FSTL5: variants seen among roughly 807,000 people sequenced by gnomAD.
FSTL5 encodes follistatin-related protein 5.
Under a neutral mutation model 89.1 loss-of-function variants are expected in FSTL5, and 62 were observed. The ratio of observed to expected loss-of-function variants is 0.70; its 90% confidence interval spans 0.57 to 0.86. The LOEUF (loss-of-function observed/expected upper bound fraction) is 0.86. FSTL5 is among the 40% of genes least tolerant of loss of function. The probability of loss-of-function intolerance (pLI) is 0.00; values close to 1 mark genes in which losing one functional copy is unlikely to be tolerated. For missense variants in FSTL5, 1,057 were observed against 1,001.6 expected (o/e 1.06, Z -0.75); for synonymous variants, 383 against 346.2 (o/e 1.11, Z -1.18).
intron 6 of FSTL5, among the ~76,000 whole-genome samples, chr4:161,671,962 TC>T (rs369918808): frequency 2.6e-5 from 4 of 152,298 alleles, no homozygotes; most frequent in African/African-American, 9.6e-5. Flanking sequence ...AATCTGATTA[TC>T]CCATGTGAAT....
At chr4:161,615,460 A>AG (rs1560980262) in intron 7 of FSTL5, among the ~76,000 whole-genome samples, 2 of 150,178 alleles carry the variant, frequency 1.3e-5, no homozygotes, top group East Asian at 1.9e-4. Context: ...AAAAAAAAAA[A>AG]AAAGAAAGAA....
chr4:161,493,883 G>T (rs2126474219), intron 12 of FSTL5, among the ~76,000 whole-genome samples: 1 of 152,002 alleles, frequency 6.6e-6, no homozygotes, highest in Non-Finnish European at 1.5e-5. Context: ...ATGCTATTTG[G>T]CCCACTTAAT....
At chr4:161,922,306 A>G (rs1046500118) in intron 3 of FSTL5, among the ~76,000 whole-genome samples, 3 of 152,128 alleles carry the variant, frequency 2.0e-5, no homozygotes, top group African/African-American at 7.2e-5. Flanking sequence ...TTAAATATTG[A>G]TAACTCACTG....
At chr4:161,761,380 G>A (rs1172905012) in intron 5 of FSTL5, among the ~76,000 whole-genome samples, 1 of 152,158 alleles carries the variant, frequency 6.6e-6, no homozygotes, top group Non-Finnish European at 1.5e-5. Flanking sequence ...GGGAGAAGGG[G>A]CAGTGTGCGC....
At chr4:162,094,857 G>A (rs902300272) in intron 2 of FSTL5, among the ~76,000 whole-genome samples, 3 of 152,108 alleles carry the variant, frequency 2.0e-5, no homozygotes, top group Non-Finnish European at 2.9e-5. Flanking sequence ...ATACAATGAA[G>A]CACTTTACTC....
At chr4:161,811,092 A>G (rs1460948630) in intron 4 of FSTL5, among the ~76,000 whole-genome samples, 1 of 152,222 alleles carries the variant, frequency 6.6e-6, no homozygotes, top group Non-Finnish European at 1.5e-5. Flanking sequence ...ACATAAATAA[A>G]TACAAATATA....
chr4:162,046,343 G>C (rs1162649971), intron 2 of FSTL5, among the ~76,000 whole-genome samples: 1 of 152,072 alleles, frequency 6.6e-6, no homozygotes, highest in Non-Finnish European at 1.5e-5. Flanking sequence ...TGGGGTAAAG[G>C]GAGAGTCTCC....
At chr4:161,578,520 C>A (rs1480468092) in intron 8 of FSTL5, among the ~76,000 whole-genome samples, 1 of 151,604 alleles carries the variant, frequency 6.6e-6, no homozygotes, top group Non-Finnish European at 1.5e-5. Context: ...TAATTTGAGT[C>A]CAAATGGATG....
At chr4:162,026,304 C>CTTATTTTTTTTTTTTTTTTTTTT (rs1737281262) in intron 3 of FSTL5, among the ~76,000 whole-genome samples, 2 of 79,470 alleles carry the variant, frequency 2.5e-5, no homozygotes, top group East Asian at 4.2e-4. Flanking sequence ...TATGTATTTT[C>CTTATTTTTTTTTTTTTTTTTTTT]TTTTTTTTTT....
In FSTL5 at chr4:161,618,758, T is replaced by A. The variant is rs1402532041; in HGVS notation, c.895-31183A>T. ...TTATTGAGGATTTTTGCATCAATGTTCATCAAGGATATTGGTCTAAAATTC... is the reference window on the plus strand; with the variant it reads ...TTATTGAGGATTTTTGCATCAATGTACATCAAGGATATTGGTCTAAAATTC... On this transcript the variant is annotated intron_variant, in intron 7 of 15. Coordinates refer to ENST00000306100, the MANE Select transcript of FSTL5 (RefSeq NM_020116.5). 5.3e-5 allele frequency among the ~76,000 whole-genome samples: 8 copies of A among 152,290 alleles called. No homozygotes were observed. In the East Asian group the frequency reaches 1.5e-3, roughly 29 times the overall value.
intron 3 of FSTL5, among the ~76,000 whole-genome samples, chr4:161,954,665 C>T (rs1275016937): frequency 1.3e-5 from 2 of 151,572 alleles, no homozygotes; most frequent in Non-Finnish European, 3.0e-5. Context: ...TTTCATATTC[C>T]AGTAAGGCAA....
intron 2 of FSTL5, among the ~76,000 whole-genome samples, chr4:162,078,368 G>T (rs527718525): frequency 2.0e-5 from 3 of 151,738 alleles, no homozygotes; most frequent in Non-Finnish European, 4.4e-5. Flanking sequence ...ACCTAGAAGC[G>T]GCTGACTTTA....
At chr4:161,708,404 C>T (rs964941233) in intron 6 of FSTL5, among the ~76,000 whole-genome samples, 2 of 151,858 alleles carry the variant, frequency 1.3e-5, no homozygotes, top group Non-Finnish European at 2.9e-5. Flanking sequence ...TAATGCATAG[C>T]TATACTTTAA....
chr4:161,496,992 T>G (rs1344293402), intron 12 of FSTL5, among the ~76,000 whole-genome samples: 1 of 152,202 alleles, frequency 6.6e-6, no homozygotes, highest in Non-Finnish European at 1.5e-5. Context: ...ACGAAATTAC[T>G]TTGGAATTAG....
chr4:161,680,398 C>T (rs952300231), intron 6 of FSTL5, among the ~76,000 whole-genome samples: 3 of 151,914 alleles, frequency 2.0e-5, no homozygotes, highest in African/African-American at 7.2e-5. Context: ...ACCTTTCCAT[C>T]TCCCTATTCA....
intron 4 of FSTL5, among the ~76,000 whole-genome samples, chr4:161,872,469 C>T (rs1002714780): frequency 6.6e-6 from 1 of 152,122 alleles, no homozygotes; most frequent in East Asian, 1.9e-4. Context: ...CATTTCTGGA[C>T]TCCTTTCCAA....
intron 1 of FSTL5, among the ~76,000 whole-genome samples, chr4:162,140,154 G>T (rs1579058503): frequency 6.6e-6 from 1 of 151,936 alleles, no homozygotes; most frequent in East Asian, 1.9e-4. Context: ...AGAATAGGAA[G>T]CAACCAAAAT....
intron 10 of FSTL5, among the ~76,000 whole-genome samples, chr4:161,524,814 C>T (rs529780389): frequency 2.8e-4 from 43 of 151,926 alleles, no homozygotes; most frequent in Non-Finnish European, 5.2e-4. Context: ...AAAAATTAGC[C>T]GGAGGTGGTG....
In FSTL5 at chr4:161,635,491, T is replaced by TA. The variant is rs34085655; in HGVS notation, c.894+20836dup. ...GTTGGAGTTGTTTCTTGTTACAAAT[T>TA]AAAAAAAAAAAAAATCCATCTAGCA... On this transcript the variant is annotated intron_variant, in intron 7 of 15. Coordinates refer to ENST00000306100, the MANE Select transcript of FSTL5 (RefSeq NM_020116.5). 8.5e-4 allele frequency among the ~76,000 whole-genome samples: 128 copies of TA among 150,292 alleles called. No individual in the cohort carries two copies. The South Asian group carries it at 0.018, about 21-fold the overall frequency.
Sources: allele counts gnomAD v4.1 joint callset (sites outside exome capture counted in the v4.1 genomes callset), GRCh38; gene constraint gnomAD v4.1.1; transcripts MANE v1.5; gene names NCBI Gene and HGNC (gene_info 2026-07-23, HGNC 2026-07-21).